UGT2B11: variants seen among roughly 807,000 people sequenced by gnomAD.
UGT2B11 encodes UDP glucuronosyltransferase family 2 member B11, also known as UDP-glucuronosyltransferase 2B11.
In UGT2B11, 49 loss-of-function variants were observed where a neutral mutation model predicts 51.7. That is an observed-to-expected ratio of 0.95 (90% CI 0.75 to 1.20). UGT2B11 has a LOEUF of 1.20. Among genes scored for constraint, UGT2B11 ranks in the 50% most tolerant of loss-of-function variants. UGT2B11 has a pLI of 0.00. For missense variants in UGT2B11, 810 were observed against 622.1 expected (o/e 1.30, Z -3.21); for synonymous variants, 273 against 209.0 (o/e 1.31, Z -2.64).
upstream of UGT2B11, among the ~76,000 whole-genome samples, chr4:69,218,892 C>T (rs1449005076): frequency 3.3e-5 from 5 of 152,146 alleles, no homozygotes; most frequent in Non-Finnish European, 7.4e-5. Context: ...TGGGAGACCC[C>T]TCTGCCAGTC....
intron 3 of UGT2B11, among the ~76,000 whole-genome samples, chr4:69,206,569 C>T (rs1462234215): frequency 1.3e-5 from 2 of 151,108 alleles, no homozygotes; most frequent in Admixed American, 6.6e-5. Flanking sequence ...ACAACAAACC[C>T]CCATGACACA....
intron 1 of UGT2B11, among the ~76,000 whole-genome samples, chr4:69,213,800 G>A (rs1162073732): frequency 6.6e-6 from 1 of 151,802 alleles, no homozygotes. Context: ...TTCTGTTTGA[G>A]TGATGGCCAC....
the UGT2B11 span, among the ~76,000 whole-genome samples, chr4:69,222,949 G>T: frequency 2.0e-5 from 3 of 152,176 alleles, no homozygotes; most frequent in Non-Finnish European, 2.9e-5. Flanking sequence ...GAGTAGGGCT[G>T]AGGGAAAAGG....
intron 2 of UGT2B11, among the ~76,000 whole-genome samples, chr4:69,209,226 T>C (rs1721968924): frequency 1.3e-5 from 2 of 151,676 alleles, no homozygotes; most frequent in African/African-American, 2.4e-5. Context: ...ATTGTACCTT[T>C]TGGGTTTTTG....
Position 69,200,683 on chromosome 4 carries a change from T to C in UGT2B11, c.1347A>G (p.Gln449=). The C allele has an allele frequency of 6.2e-7, 1 of 1,611,668 alleles. No individual in the cohort carries two copies. The highest frequency in any genetic ancestry group is 8.5e-7 in the Non-Finnish European group (1 of 1,178,660). The change falls in exon 6 of 6, where the codon CAA becomes CAG. Residue 449 remains glutamine, a synonymous_variant. Coordinates refer to ENST00000446444, the MANE Select transcript of UGT2B11 (RefSeq NM_001073.3). ...CCAGGGGCTTTACTGGTTGATCATG[T>C]TGAATTCTTGATAATTTCATAATAT... ...KENIMKLSRI[Q]HDQPVKPLDR... is the part of the protein sequence containing the mutation.
rs767597896 is a variant in UGT2B11, at chr4:69,204,574, G to A, written c.1166C>T (p.Pro389Leu). ...AAAAAACAATGGAATGCCCACCATAGGGATCCCATGGTAGATTGCCTCATA... is the reference window on the plus strand; with the variant it reads ...AAAAAACAATGGAATGCCCACCATAAGGATCCCATGGTAGATTGCCTCATA... ...GIYEAIYHGIPMVGIPLFFDQ... is the reference protein window; with the variant it reads ...GIYEAIYHGILMVGIPLFFDQ... The change falls in exon 5 of 6, where the codon CCT (proline) becomes CTT (leucine). Residue 389 changes from proline (P) to leucine (L), a missense_variant. Transcript: ENST00000446444. 2.5e-6 allele frequency: 4 copies of A among 1,612,074 alleles called. No homozygotes were observed.
chr4:69,208,712 G>T (rs568993274), intron 2 of UGT2B11, among the ~76,000 whole-genome samples: 80 of 151,720 alleles, frequency 5.3e-4, no homozygotes, highest in Non-Finnish European at 1.0e-3. Flanking sequence ...GTATGTGTCT[G>T]CATGTGTGTA....
At chr4:69,216,052 G>A (rs1284950082), upstream of UGT2B11, 1 of 151,986 alleles carries the variant, frequency 6.6e-6, no homozygotes, top group Non-Finnish European at 1.5e-5. Context: ...AGTTACATCA[G>A]AAGGAGGTAA....
chr4:69,200,847 G>A, intron 5 of UGT2B11, 128 bp from the exon 6 acceptor site: 1 of 1,190,480 alleles, frequency 8.4e-7, no homozygotes, highest in Non-Finnish European at 1.1e-6. Context: ...CAGAGAATTT[G>A]TGTATTTTAA....
chr4:69,205,952 A>T (rs1577961499), intron 3 of UGT2B11, among the ~76,000 whole-genome samples: 1 of 151,806 alleles, frequency 6.6e-6, no homozygotes. Flanking sequence ...CAGAATGGCC[A>T]TTATTAAAAA....
At chr4:69,219,671 T>C (rs1577970243), upstream of UGT2B11, among the ~76,000 whole-genome samples, 1 of 152,230 alleles carries the variant, frequency 6.6e-6, no homozygotes, top group East Asian at 1.9e-4. Context: ...CAAGAAGACT[T>C]GTGTAGGGAA....
At chr4:69,205,629 A>C in intron 3 of UGT2B11, 62 bp from the exon 4 acceptor site, 8 of 1,548,952 alleles carry the variant, frequency 5.2e-6, no homozygotes, top group Non-Finnish European at 7.1e-6. Flanking sequence ...AGAATGTTAG[A>C]ACTGTAGAAA....
At chr4:69,207,418 A>G (rs982348097) in intron 3 of UGT2B11, among the ~76,000 whole-genome samples, 1 of 151,658 alleles carries the variant, frequency 6.6e-6, no homozygotes, top group South Asian at 2.1e-4. Flanking sequence ...AAAGTCATTC[A>G]CAAATACACA....
chr4:69,220,715 T>G, the UGT2B11 span, among the ~76,000 whole-genome samples: 2 of 151,700 alleles, frequency 1.3e-5, no homozygotes, highest in African/African-American at 4.8e-5. Context: ...CAAGCTCCTT[T>G]TTTCTACTTT....
At chr4:69,204,373 A>G (rs1721769432) in intron 5 of UGT2B11, 57 bp downstream of exon 5, 7 of 1,603,192 alleles carry the variant, frequency 4.4e-6, no homozygotes, top group East Asian at 2.2e-5. Flanking sequence ...CATGCTCACT[A>G]TTGACAAGAG....
chr4:69,202,600 T>A (rs1312222572), intron 5 of UGT2B11, among the ~76,000 whole-genome samples: 1 of 151,696 alleles, frequency 6.6e-6, no homozygotes, highest in East Asian at 2.0e-4. Flanking sequence ...GTATTGTATA[T>A]GTATATATGT....
chr4:69,212,093 T>C (rs1043871594), intron 2 of UGT2B11, among the ~76,000 whole-genome samples: 1 of 151,612 alleles, frequency 6.6e-6, no homozygotes, highest in African/African-American at 2.4e-5. Flanking sequence ...TACTTTCTAT[T>C]ATCTCCACTG....
At chr4:69,224,392 A>G in the UGT2B11 span, among the ~76,000 whole-genome samples, 1 of 152,074 alleles carries the variant, frequency 6.6e-6, no homozygotes, top group African/African-American at 2.4e-5. Flanking sequence ...AAAGTGAAAG[A>G]GTATGAACCG....
chr4:69,201,687 C>T (rs1398780465), intron 5 of UGT2B11, among the ~76,000 whole-genome samples: 1 of 151,736 alleles, frequency 6.6e-6, no homozygotes, highest in Non-Finnish European at 1.5e-5. Flanking sequence ...CTAAGTGTTA[C>T]CTCTAAGAGA....
Sources: gnomAD v4.1 joint callset for allele counts (sites outside exome capture counted in the v4.1 genomes callset) on GRCh38, gnomAD v4.1.1 for gene constraint, MANE v1.5 for transcripts, NCBI Gene and HGNC (gene_info 2026-07-23, HGNC 2026-07-21) for gene names.